The following LAMA4 variants were observed in gnomAD, a reference collection of about 807,000 sequenced individuals.
LAMA4 encodes the protein laminin subunit alpha-4.
In LAMA4, 127 loss-of-function variants were observed where a neutral mutation model predicts 207.1. That is an observed-to-expected ratio of 0.61 (90% CI 0.53 to 0.71). The LOEUF is 0.71. LAMA4 is among the 30% of genes least tolerant of loss of function. LAMA4 has a pLI of 0.00. For missense variants in LAMA4, 2,093 were observed against 2,246.5 expected (o/e 0.93, Z 1.38); for synonymous variants, 761 against 816.0 (o/e 0.93, Z 1.15).
intron 3 of LAMA4, among the ~76,000 whole-genome samples, chr6:112,209,655 C>A (rs1784255713): frequency 6.6e-6 from 1 of 152,140 alleles, no homozygotes; most frequent in African/African-American, 2.4e-5. Flanking sequence ...CCCTTATCTG[C>A]AAAGTGATGA....
chr6:112,253,520 T>A, intron 2 of LAMA4: 1 of 473,586 alleles, frequency 2.1e-6, no homozygotes, highest in Non-Finnish European at 3.9e-6. Flanking sequence ...TCTTGTCTAA[T>A]ATGAGACAAA....
At position 112,201,692 on chromosome 6, in the gene LAMA4, A is replaced by C. The variant is rs79008328; in HGVS notation, c.423-4T>G. The C allele has an allele frequency of 0.011, 18,066 of 1,612,792 alleles. 188 individuals carry two copies. Among genetic ancestry groups the C allele is most frequent in the Middle Eastern group, 0.068 (414 of 6,054 alleles). On this transcript the variant is annotated splice_region_variant and splice_polypyrimidine_tract_variant and intron_variant, in intron 4 of 38. Coordinates refer to ENST00000230538, the MANE Select transcript of LAMA4 (RefSeq NM_001105206.3). The stretch of plus-strand genomic sequence containing the variant: ...CCTATAGCAGGATTCTGCAAAACTA[A>C]AATTGGAAGCAAATATTGGAAGTCA...
intron 3 of LAMA4, chr6:112,214,047 A>G (rs1554357740): frequency 1.3e-6 from 1 of 762,434 alleles, no homozygotes; most frequent in South Asian, 1.4e-5. Context: ...AAGCTGAAAA[A>G]CCTGGGTCTT....
At chr6:112,248,939 C>G (rs1554189169) in intron 2 of LAMA4, among the ~76,000 whole-genome samples, 2 of 152,150 alleles carry the variant, frequency 1.3e-5, no homozygotes, top group African/African-American at 4.8e-5. Flanking sequence ...ATAATTTTCA[C>G]TATTTAGTAT....
intron 8 of LAMA4, 163 bp downstream of exon 8, chr6:112,187,287 T>C: frequency 3.6e-6 from 3 of 833,414 alleles, no homozygotes; most frequent in Non-Finnish European, 4.0e-6. Context: ...CTTTTCATAA[T>C]TTCCTATGAA....
intron 8 of LAMA4, 91 bp downstream of exon 8, chr6:112,187,358 CT>C: frequency 7.0e-7 from 1 of 1,421,180 alleles, no homozygotes; most frequent in Non-Finnish European, 9.9e-7. Flanking sequence ...AGGTATGAGA[CT>C]CAGATACAAA....
rs782479632 is a variant in LAMA4 at position 112,139,802 on chromosome 6, G to A, written c.3060C>T (p.Asn1020=). The change falls in exon 23 of 39, where the codon AAC becomes AAT. Residue 1020 remains asparagine, a synonymous_variant. Coordinates refer to ENST00000230538, the MANE Select transcript of LAMA4 (RefSeq NM_001105206.3). ...GGTCCATATTATAGATGTGCTTAAA[G>A]TTGTACAAGCTGATCACATCATTAT... The part of the protein sequence containing the change: ...TLNNDVISLY[N]FKHIYNMDPS... 5.0e-6 allele frequency: 8 copies of A among 1,614,032 alleles called. No individual in the cohort carries two copies. The East Asian group carries it at 1.6e-4, about 31-fold the overall frequency.
At chr6:112,111,584 C>G (rs1777699395) in intron 38 of LAMA4, among the ~76,000 whole-genome samples, 2 of 152,188 alleles carry the variant, frequency 1.3e-5, no homozygotes, top group Admixed American at 1.3e-4. Flanking sequence ...TGGAATTAAT[C>G]TTGAACAGCT....
At chr6:112,126,487 C>G (rs782686175) in intron 31 of LAMA4, among the ~76,000 whole-genome samples, 7 of 152,076 alleles carry the variant, frequency 4.6e-5, no homozygotes, top group Non-Finnish European at 8.8e-5. Flanking sequence ...AGGAAGAGAT[C>G]CTAAGAAACT....
intron 16 of LAMA4, among the ~76,000 whole-genome samples, chr6:112,153,140 T>C (rs943136033): frequency 2.6e-5 from 4 of 152,068 alleles, no homozygotes; most frequent in Admixed American, 6.5e-5. Context: ...TGAGATTATA[T>C]TGACTATCAA....
intron 8 of LAMA4, among the ~76,000 whole-genome samples, chr6:112,185,870 C>G (rs1019543359): frequency 3.3e-5 from 5 of 152,128 alleles, no homozygotes; most frequent in African/African-American, 1.2e-4. Flanking sequence ...GCCCTTCAAT[C>G]TTGACACTGA....
chr6:112,212,225 CAT>C (rs1491361163), intron 3 of LAMA4, among the ~76,000 whole-genome samples: 1 of 113,304 alleles, frequency 8.8e-6, no homozygotes, highest in African/African-American at 4.3e-5. Flanking sequence ...CAGTTTCTGT[CAT>C]TTTTTTTTTT....
In LAMA4 at chr6:112,165,247, C is replaced by A. The variant is rs1781317335; in HGVS notation, c.1581G>T (p.Met527Ile). 1 of 1,612,986 alleles carries A rather than the reference C, an allele frequency of 6.2e-7. No individual in the cohort carries two copies. Among genetic ancestry groups the A allele is most frequent in the African/African-American group, 1.3e-5 (1 of 74,902 alleles). Residue 527 changes from methionine to isoleucine, a missense_variant, in exon 13 of 39, where the codon ATG becomes ATT. Physicochemically the swap from Met to Ile is conservative, Grantham distance 10 (BLOSUM62 1). Transcript: ENST00000230538. ...TGCTCAGAGACATGTTCACCACTTC[C>A]ATTTGTTCCCTCACTCTTTCCTGTT... The part of the protein sequence containing the change: ...EKQQERVREQ[M>I]EVVNMSLSTS...
At chr6:112,223,570 G>A (rs1392078729) in intron 2 of LAMA4, among the ~76,000 whole-genome samples, 1 of 152,164 alleles carries the variant, frequency 6.6e-6, no homozygotes, top group African/African-American at 2.4e-5. Flanking sequence ...AAGTTTGGAG[G>A]ATGAACTGTC....
chr6:112,198,382 T>C (rs1171421003), intron 5 of LAMA4, among the ~76,000 whole-genome samples: 2 of 152,184 alleles, frequency 1.3e-5, no homozygotes, highest in Middle Eastern at 3.2e-3. Context: ...ATCAGTTGCA[T>C]ATTTAGAAAA....
intron 2 of LAMA4, among the ~76,000 whole-genome samples, chr6:112,225,194 C>A (rs893959849): frequency 6.6e-6 from 1 of 152,102 alleles, no homozygotes; most frequent in African/African-American, 2.4e-5. Flanking sequence ...TTTTATGCCA[C>A]CCCCTTGTTT....
intron 2 of LAMA4, among the ~76,000 whole-genome samples, chr6:112,219,946 G>C (rs1049929988): frequency 6.6e-6 from 1 of 151,990 alleles, no homozygotes; most frequent in Non-Finnish European, 1.5e-5. Flanking sequence ...TAACCATCTT[G>C]CGTGCCATTA....
At chr6:112,144,669 C>T (rs1779908703) in intron 19 of LAMA4, 125 bp downstream of exon 19, 2 of 1,120,186 alleles carry the variant, frequency 1.8e-6, no homozygotes, top group Non-Finnish European at 2.7e-6. Context: ...GCAAATGGGG[C>T]TGAGAACTAC....
intron 3 of LAMA4, 128 bp downstream of exon 3, chr6:112,216,240 G>T: frequency 1.4e-6 from 1 of 724,380 alleles, no homozygotes; most frequent in South Asian, 1.5e-5. Flanking sequence ...AAAAGCTGAA[G>T]GGTGAACAAA....
Sources: allele counts gnomAD v4.1 joint callset (sites outside exome capture counted in the v4.1 genomes callset), GRCh38; gene constraint gnomAD v4.1.1; transcripts MANE v1.5; gene names NCBI Gene and HGNC (gene_info 2026-07-23, HGNC 2026-07-21).